Variants in ZFPM2 observed in about 807,000 individuals in gnomAD.
ZFPM2 encodes zinc finger protein, FOG family member 2, also known as zinc finger protein ZFPM2.
In ZFPM2, 20 loss-of-function variants were observed where a neutral mutation model predicts 98.6. The ratio of observed to expected loss-of-function variants is 0.20; its 90% CI spans 0.14 to 0.29. The LOEUF (loss-of-function observed/expected upper bound fraction) is 0.29, where lower values mean the gene tolerates loss of function less well. Ranked by LOEUF, ZFPM2 falls within the 10% of genes least tolerant of loss-of-function variation. The pLI is 1.00. For missense variants in ZFPM2, 1,310 were observed against 1,388.6 expected (o/e 0.94, Z 0.90); for synonymous variants, 518 against 502.7 (o/e 1.03, Z -0.41).
chr8:105,432,304 C>T (rs1052061370), intron 2 of ZFPM2, among the ~76,000 whole-genome samples: 1 of 151,992 alleles, frequency 6.6e-6, no homozygotes, highest in East Asian at 1.9e-4. Context: ...AAATGTTAGC[C>T]CTTATTTGTG....
intron 4 of ZFPM2, among the ~76,000 whole-genome samples, chr8:105,577,372 A>G (rs1815489127): frequency 6.6e-6 from 1 of 152,116 alleles, no homozygotes; most frequent in Non-Finnish European, 1.5e-5. Context: ...TAAACAGTTG[A>G]TTTTTAAGCC....
chr8:105,704,765 A>G lies in ZFPM2; in HGVS notation c.532+70408A>G, dbSNP rs543183243. ...TAAGATGTGCTGCCTCATAAGGGAA[A>G]GTGGACTACAGTTCAACTCCACAAA... On this transcript the variant is annotated intron_variant, in intron 5 of 7. Coordinates refer to ENST00000407775, the MANE Select transcript of ZFPM2 (RefSeq NM_012082.4). Among the ~76,000 whole-genome samples the G allele has an allele frequency of 2.6e-5, 4 of 152,344 alleles. No individual in the cohort carries two copies. The East Asian group carries it at 7.7e-4, about 29-fold the overall frequency.
chr8:105,331,216 A>G (rs968474041), intron 1 of ZFPM2, among the ~76,000 whole-genome samples: 1 of 151,166 alleles, frequency 6.6e-6, no homozygotes, highest in African/African-American at 2.4e-5. Context: ...TATATAATAA[A>G]TAATTATGAT....
At chr8:105,550,214 C>T (rs1448611840) in intron 3 of ZFPM2, among the ~76,000 whole-genome samples, 1 of 152,176 alleles carries the variant, frequency 6.6e-6, no homozygotes, top group African/African-American at 2.4e-5. Context: ...TACCACCTTA[C>T]CTCCTTCAAA....
chr8:105,614,609 A>G (rs1482146930), intron 4 of ZFPM2, among the ~76,000 whole-genome samples: 2 of 152,092 alleles, frequency 1.3e-5, no homozygotes, highest in East Asian at 3.9e-4. Flanking sequence ...TCTTGAAGCT[A>G]CAGGCTGTTT....
At chr8:105,542,653 G>C (rs527618795) in intron 3 of ZFPM2, among the ~76,000 whole-genome samples, 4 of 152,116 alleles carry the variant, frequency 2.6e-5, no homozygotes, top group Admixed American at 2.6e-4. Flanking sequence ...TTGAATGTGC[G>C]TAGATTTTGG....
rs561342307 is a variant in ZFPM2, at chr8:105,360,415, A to AT, written c.40+41440dup. On this transcript the variant is annotated intron_variant, in intron 1 of 7. Transcript: ENST00000407775. ...AAAAATGGAATTGCATACTTATCAC[A>AT]TTTTTTGGCAGATATAACATAGCTT... is the stretch of plus-strand genomic sequence containing the variant. Among the ~76,000 whole-genome samples the AT allele has an allele frequency of 1.2e-4, 18 of 152,284 alleles. No homozygotes were observed. In the South Asian group the frequency reaches 3.5e-3, roughly 30 times the overall value.
At chr8:105,540,449 G>A (rs554880860) in intron 3 of ZFPM2, among the ~76,000 whole-genome samples, 1 of 152,124 alleles carries the variant, frequency 6.6e-6, no homozygotes, top group African/African-American at 2.4e-5. Context: ...CTTAGTAGAT[G>A]GCTCATAGTA....
chr8:105,359,685 T>C (rs2129753600), intron 1 of ZFPM2, among the ~76,000 whole-genome samples: 1 of 152,130 alleles, frequency 6.6e-6, no homozygotes, highest in East Asian at 1.9e-4. Context: ...CACTCTGGGG[T>C]ATTTCTATAT....
At chr8:105,672,837 C>T (rs1352367025) in intron 5 of ZFPM2, among the ~76,000 whole-genome samples, 1 of 152,172 alleles carries the variant, frequency 6.6e-6, no homozygotes, top group Non-Finnish European at 1.5e-5. Flanking sequence ...CACAGTGAAT[C>T]ATGGACGTTA....
At chr8:105,665,304 G>A (rs142338814) in intron 5 of ZFPM2, among the ~76,000 whole-genome samples, 7 of 152,148 alleles carry the variant, frequency 4.6e-5, no homozygotes, top group African/African-American at 9.6e-5. Flanking sequence ...AGAAATTAAG[G>A]TTCCAACAAA....
At chr8:105,633,670 G>A (rs1405888098) in intron 4 of ZFPM2, among the ~76,000 whole-genome samples, 1 of 152,074 alleles carries the variant, frequency 6.6e-6, no homozygotes, top group Non-Finnish European at 1.5e-5. Context: ...CAGTCTTTCT[G>A]GAGACAATGT....
intron 3 of ZFPM2, among the ~76,000 whole-genome samples, chr8:105,499,013 C>G (rs184512637): frequency 2.0e-5 from 3 of 152,166 alleles, no homozygotes; most frequent in Admixed American, 2.0e-4. Flanking sequence ...AGAAAAGAGA[C>G]TTCTCCCCAT....
At chr8:105,349,650 C>T (rs1459104309) in intron 1 of ZFPM2, among the ~76,000 whole-genome samples, 1 of 152,118 alleles carries the variant, frequency 6.6e-6, no homozygotes, top group East Asian at 1.9e-4. Context: ...AAGTTCATTG[C>T]ATACGTTGTG....
chr8:105,448,845 C>T (rs1243609248), intron 3 of ZFPM2, among the ~76,000 whole-genome samples: 1 of 152,038 alleles, frequency 6.6e-6, no homozygotes, highest in Non-Finnish European at 1.5e-5. Context: ...TCTTCCCTTA[C>T]CCTAGGACTG....
At chr8:105,688,880 A>G (rs1428527213) in intron 5 of ZFPM2, among the ~76,000 whole-genome samples, 2 of 152,218 alleles carry the variant, frequency 1.3e-5, no homozygotes, top group South Asian at 2.1e-4. Flanking sequence ...TTGTATTAAT[A>G]TAGCAGCTTT....
rs187652206 is a variant in ZFPM2, at chr8:105,748,014, A to T, written c.533-40704A>T. 6.7e-4 allele frequency among the ~76,000 whole-genome samples: 102 copies of T among 152,028 alleles called. 1 individual carries two copies. The East Asian group carries it at 0.018, about 26-fold the overall frequency. ...TTTGTATCTTTTTGTAGGAGAACAA[A>T]TTTTTTTCCATTGTTGACCATAATG... On this transcript the variant is annotated intron_variant, in intron 5 of 7. Transcript: ENST00000407775.
At chr8:105,403,214 T>C (rs1456589810) in intron 1 of ZFPM2, among the ~76,000 whole-genome samples, 1 of 152,104 alleles carries the variant, frequency 6.6e-6, no homozygotes, top group Non-Finnish European at 1.5e-5. Context: ...CTTAGTGTTA[T>C]ACCTACTGCT....
intron 4 of ZFPM2, among the ~76,000 whole-genome samples, chr8:105,594,943 A>T (rs773981609): frequency 4.6e-5 from 7 of 152,142 alleles, no homozygotes; most frequent in Non-Finnish European, 1.0e-4. Context: ...GTATCATAAG[A>T]TGATTTCTGA....
Sources: gnomAD v4.1 joint callset for allele counts (sites outside exome capture counted in the v4.1 genomes callset) on GRCh38, gnomAD v4.1.1 for gene constraint, MANE v1.5 for transcripts, NCBI Gene and HGNC (gene_info 2026-07-23, HGNC 2026-07-21) for gene names.